Variants in RBFOX1 observed in about 807,000 individuals in gnomAD.
RBFOX1 encodes RNA binding fox-1 homolog 1.
Under a neutral mutation model 57.7 loss-of-function variants are expected in RBFOX1, and 8 were observed. That is an observed-to-expected ratio of 0.14 (90% CI 0.08 to 0.25). The LOEUF (loss-of-function observed/expected upper bound fraction) is 0.25, where lower values mean the gene tolerates loss of function less well. Among genes scored for constraint, RBFOX1 ranks in the 10% least tolerant of loss-of-function variants. The probability of loss-of-function intolerance (pLI) is 1.00; values close to 1 mark genes in which losing one functional copy is unlikely to be tolerated. For missense variants in RBFOX1, 611 were observed against 548.5 expected (o/e 1.11, Z -1.14); for synonymous variants, 326 against 222.4 (o/e 1.47, Z -4.15).
At chr16:5,745,396 T>G (rs2052938766) in intron 3 of RBFOX1, among the ~76,000 whole-genome samples, 1 of 152,208 alleles carries the variant, frequency 6.6e-6, no homozygotes, top group East Asian at 1.9e-4. Flanking sequence ...AGTGCCGCAA[T>G]AAACATATGT....
intron 3 of RBFOX1, among the ~76,000 whole-genome samples, chr16:5,649,986 A>C (rs1178840044): frequency 6.6e-6 from 1 of 152,330 alleles, no homozygotes; most frequent in East Asian, 1.9e-4. Context: ...CCACAGGAAG[A>C]GGCAGAGTCG....
intron 4 of RBFOX1, among the ~76,000 whole-genome samples, chr16:7,236,607 G>C (rs901366702): frequency 6.6e-6 from 1 of 152,176 alleles, no homozygotes; most frequent in African/African-American, 2.4e-5. Flanking sequence ...TTTTAAGGTA[G>C]CACATTGTAG....
At chr16:7,025,322 C>T (rs2040562938) in intron 3 of RBFOX1, among the ~76,000 whole-genome samples, 1 of 152,060 alleles carries the variant, frequency 6.6e-6, no homozygotes, top group Non-Finnish European at 1.5e-5. Flanking sequence ...ACCAGAGGTC[C>T]CTCTCAGGGC....
intron 4 of RBFOX1, among the ~76,000 whole-genome samples, chr16:7,125,132 C>T (rs966227877): frequency 5.9e-5 from 9 of 151,978 alleles, no homozygotes; most frequent in African/African-American, 1.7e-4. Context: ...TTTCTTTTGC[C>T]CTTGGGAAGA....
chr16:6,307,213 G>C (rs189192798), intron 1 of RBFOX1, among the ~76,000 whole-genome samples: 1 of 152,186 alleles, frequency 6.6e-6, no homozygotes, highest in African/African-American at 2.4e-5. Context: ...AGAGACTTCT[G>C]CAAGTAAAGT....
intron 4 of RBFOX1, among the ~76,000 whole-genome samples, chr16:7,408,310 A>T (rs1016403141): frequency 6.6e-6 from 1 of 152,194 alleles, no homozygotes; most frequent in Admixed American, 6.5e-5. Context: ...TGTAGATGAC[A>T]ATACAGCAGA....
intron 3 of RBFOX1, among the ~76,000 whole-genome samples, chr16:6,932,369 A>C (rs932092354): frequency 6.6e-6 from 1 of 152,220 alleles, no homozygotes; most frequent in African/African-American, 2.4e-5. Context: ...AGGCTCCCTA[A>C]GTGCTGGGAT....
intron 1 of RBFOX1, among the ~76,000 whole-genome samples, chr16:6,089,751 G>C (rs573354904): frequency 3.8e-4 from 58 of 152,236 alleles, no homozygotes; most frequent in African/African-American, 1.3e-3. Context: ...TGAAAGATTG[G>C]CCAATATTAG....
chr16:6,333,580 G>A (rs376756705), intron 2 of RBFOX1, among the ~76,000 whole-genome samples: 17 of 151,974 alleles, frequency 1.1e-4, no homozygotes, highest in East Asian at 9.7e-4. Context: ...TTTGGTTTAC[G>A]AAATGGTCCA....
chr16:5,962,291 A>T (rs2059765290), intron 4 of RBFOX1, among the ~76,000 whole-genome samples: 1 of 152,000 alleles, frequency 6.6e-6, no homozygotes, highest in South Asian at 2.1e-4. Flanking sequence ...TGTTTCCCAG[A>T]CTCAGTCTCT....
chr16:5,868,954 A>T (rs28417475), intron 4 of RBFOX1, among the ~76,000 whole-genome samples: 2 of 152,102 alleles, frequency 1.3e-5, no homozygotes, highest in African/African-American at 4.8e-5. Context: ...CACTGCACGC[A>T]TCGTTATATA....
chr16:7,137,301 A>G (rs574940150), intron 4 of RBFOX1, among the ~76,000 whole-genome samples: 7 of 152,210 alleles, frequency 4.6e-5, no homozygotes, highest in African/African-American at 1.2e-4. Flanking sequence ...TCCCCAGCCA[A>G]ATGTCATCTT....
intron 4 of RBFOX1, among the ~76,000 whole-genome samples, chr16:7,089,210 ATTTCAGGGCAAGT>A (rs1180696945): frequency 6.6e-6 from 1 of 152,134 alleles, no homozygotes; most frequent in Admixed American, 6.5e-5. Flanking sequence ...TTTTGTCTTC[ATTTCAGGGCAAGT>A]TTTCTCTTCG....
chr16:6,396,078 A>AG lies in RBFOX1; in HGVS notation c.-64+79021_-64+79022insG, dbSNP rs1234199494. ...AAGACTCCTTCTCAAAAAAAAAAAA[A>AG]AAAAAAAAAGGACAACTAACACCTT... On this transcript the variant is annotated intron_variant, in intron 2 of 15. Coordinates refer to ENST00000550418, the MANE Select transcript of RBFOX1 (RefSeq NM_018723.4). Among the ~76,000 whole-genome samples the AG allele has an allele frequency of 2.0e-5, 3 of 151,584 alleles. No individual in the cohort carries two copies. In the East Asian group the frequency reaches 5.8e-4, roughly 29 times the overall value.
At chr16:7,532,304 C>G (rs2080296960) in intron 5 of RBFOX1, among the ~76,000 whole-genome samples, 1 of 151,932 alleles carries the variant, frequency 6.6e-6, no homozygotes, top group Non-Finnish European at 1.5e-5. Flanking sequence ...GGTGGCTCCA[C>G]AAAAGGGGAA....
At position 5,822,878 on chromosome 16, in the gene RBFOX1, C is replaced by G. The variant is rs147302861; in HGVS notation, c.319-44425C>G. ...CTTGAGTGTGTTGCTTAAAATGCAT[C>G]TGAAAGGCATCTGAGGCCTCTGTCT... On this transcript the variant is annotated intron_variant, in intron 3 of 19. Transcript: ENST00000641259. 2.0e-5 allele frequency among the ~76,000 whole-genome samples: 3 copies of G among 152,314 alleles called. No individual in the cohort carries two copies. In the East Asian group the frequency reaches 5.8e-4, roughly 29 times the overall value.
intron 3 of RBFOX1, among the ~76,000 whole-genome samples, chr16:6,865,046 A>G (rs1481223932): frequency 9.4e-6 from 1 of 106,128 alleles, no homozygotes; most frequent in Non-Finnish European, 1.7e-5. Context: ...CTTGTCACCC[A>G]GGCTGGAGTG....
chr16:7,045,453 C>A (rs2047585582), intron 3 of RBFOX1, among the ~76,000 whole-genome samples: 1 of 152,250 alleles, frequency 6.6e-6, no homozygotes, highest in Non-Finnish European at 1.5e-5. Context: ...TGAAGGACAG[C>A]ATGGCTATTT....
At chr16:6,027,409 G>A (rs2095216827) in intron 1 of RBFOX1, among the ~76,000 whole-genome samples, 1 of 152,156 alleles carries the variant, frequency 6.6e-6, no homozygotes, top group Non-Finnish European at 1.5e-5. Context: ...AAGGTACTAG[G>A]AAGGAGGCAG....
Sources: allele counts gnomAD v4.1 joint callset (sites outside exome capture counted in the v4.1 genomes callset), GRCh38; gene constraint gnomAD v4.1.1; transcripts MANE v1.5; gene names NCBI Gene and HGNC (gene_info 2026-07-23, HGNC 2026-07-21).